Variants in RB1CC1 observed in about 807,000 individuals in gnomAD.
RB1CC1 encodes RB1 inducible coiled-coil 1.
In RB1CC1, 46 loss-of-function variants were observed where a neutral mutation model predicts 177.5. The observed-to-expected ratio is 0.26, with a 90% CI of 0.20 to 0.33. RB1CC1 has a LOEUF of 0.33. Among genes scored for constraint, RB1CC1 ranks in the 10% least tolerant of loss-of-function variants. The pLI is 1.00. For synonymous variants in RB1CC1, 666 were observed against 613.6 expected, an observed-to-expected ratio of 1.09 and a Z score of -1.26; for missense variants, 1,703 against 1,816.3, an observed-to-expected ratio of 0.94 and a Z score of 1.13.
chr8:52,680,930 A>G (rs1485955429), intron 5 of RB1CC1, among the ~76,000 whole-genome samples: 1 of 151,010 alleles, frequency 6.6e-6, no homozygotes, highest in Non-Finnish European at 1.5e-5. Flanking sequence ...AGTCCTAAGT[A>G]GGGCTTCTGG....
intron 20 of RB1CC1, among the ~76,000 whole-genome samples, chr8:52,634,096 A>G (rs947705466): frequency 1.7e-4 from 26 of 152,276 alleles, no homozygotes; most frequent in East Asian, 7.7e-4. Flanking sequence ...CAGCCTGGGC[A>G]ACAGAGAGAG....
chr8:52,642,816 G>A lies in RB1CC1; in HGVS notation c.3988-4C>T, dbSNP rs773359119. On this transcript the variant is annotated splice_polypyrimidine_tract_variant and splice_region_variant and intron_variant, in intron 16 of 23. Transcript: ENST00000025008. The stretch of plus-strand genomic sequence containing the variant: ...TTAAAACAGTGTTAAAATTGGTCTG[G>A]AACAAGAGAATAATTATTTAAATTT... The A allele has an allele frequency of 2.0e-6, 3 of 1,530,450 alleles. No individual in the cohort carries two copies. Among genetic ancestry groups the A allele is most frequent in the Non-Finnish European group, 8.7e-7 (1 of 1,148,258 alleles). The allele number at this position is 1,530,450 out of a possible 1,614,324, so 94.8% of individuals were successfully genotyped here.
chr8:52,653,553 C>T (rs965942277), intron 15 of RB1CC1, among the ~76,000 whole-genome samples: 1 of 152,106 alleles, frequency 6.6e-6, no homozygotes, highest in Non-Finnish European at 1.5e-5. Context: ...TTCTAACCTT[C>T]ACCCAAACAC....
intron 6 of RB1CC1, 79 bp downstream of exon 6, chr8:52,676,290 A>G: frequency 7.5e-7 from 1 of 1,339,316 alleles, no homozygotes. Flanking sequence ...TATAAGAAAC[A>G]AATTTGCAGT....
chr8:52,646,618 A>C (rs1850065459), intron 15 of RB1CC1, among the ~76,000 whole-genome samples: 1 of 152,224 alleles, frequency 6.6e-6, no homozygotes, highest in African/African-American at 2.4e-5. Context: ...CACAAAGCTA[A>C]AACTGAAAAG....
Position 52,623,043 on chromosome 8 carries a change from A to G in RB1CC1, c.*739T>C, listed in dbSNP as rs1228277609. ...ACGATTTCATCAATATGATTATTCT[A>G]GAGTCATAAAGATGTTGGGAAGGTT... is the stretch of plus-strand genomic sequence containing the variant. On this transcript the variant is annotated 3_prime_UTR_variant, in exon 24 of 24. Transcript: ENST00000025008. The G allele has an allele frequency of 1.3e-5, 2 of 152,246 alleles. No homozygotes were observed. Among genetic ancestry groups the G allele is most frequent in the African/African-American group, 4.8e-5 (2 of 41,422 alleles). 9.4% of individuals were successfully genotyped at this position (152,246 alleles called of 1,614,324 possible).
At chr8:52,704,455 TAAAA>T (rs370418132) in intron 1 of RB1CC1, among the ~76,000 whole-genome samples, 5 of 68,460 alleles carry the variant, frequency 7.3e-5, no homozygotes, top group African/African-American at 2.3e-4. Flanking sequence ...AAGGTGACAT[TAAAA>T]AAAAAAAAAA....
In RB1CC1 at chr8:52,697,236, T is replaced by G. The variant is rs188612874; in HGVS notation, c.-166-10269A>C. Among the ~76,000 whole-genome samples, 6 of 150,840 alleles carry G rather than the reference T, an allele frequency of 4.0e-5. No homozygotes were observed. The East Asian group carries it at 1.2e-3, about 29-fold the overall frequency. On this transcript the variant is annotated intron_variant, in intron 1 of 23. Coordinates refer to ENST00000025008, the MANE Select transcript of RB1CC1 (RefSeq NM_014781.5). ...AAAGACAAACATTATGATGAATCAG[T>G]TAAATTCAGAATAAGCATTCCACAG...
At position 52,668,104 on chromosome 8, in the gene RB1CC1, C is replaced by T; in HGVS notation, c.1090G>A (p.Gly364Arg). 1 of 1,614,140 alleles carries T rather than the reference C, an allele frequency of 6.2e-7. No individual in the cohort carries two copies. Among genetic ancestry groups the T allele is most frequent in the Non-Finnish European group, 8.5e-7 (1 of 1,180,008 alleles). ...AGGGCGTAGAGCCGATCTTCAAGTCCTTTAATGGCTTTCATATTCTGATTA... is the reference window on the plus strand; with the variant it reads ...AGGGCGTAGAGCCGATCTTCAAGTCTTTTAATGGCTTTCATATTCTGATTA... ...LDNQNMKAIK[G>R]LEDRLYALDQ... The change falls in exon 8 of 24, where the codon GGA becomes AGA. Residue 364 changes from glycine (G) to arginine (R), a missense_variant. Around this residue, in one of 6 missense-constraint regions of RB1CC1, gnomAD observed 315 missense variants for 304.9 expected, o/e 1.03. Coordinates refer to ENST00000025008, the MANE Select transcript of RB1CC1 (RefSeq NM_014781.5).
intron 5 of RB1CC1, among the ~76,000 whole-genome samples, chr8:52,682,425 G>C (rs1563434655): frequency 6.6e-6 from 1 of 152,102 alleles, no homozygotes; most frequent in East Asian, 1.9e-4. Flanking sequence ...AGAATGCTTG[G>C]TATCTGAATC....
chr8:52,642,987 T>G, intron 16 of RB1CC1, 175 bp from the exon 17 acceptor site: 1 of 686,560 alleles, frequency 1.5e-6, no homozygotes, highest in Non-Finnish European at 2.1e-6. Context: ...AAGGTTCTAC[T>G]TTCTTGGTTC....
intron 20 of RB1CC1, among the ~76,000 whole-genome samples, chr8:52,631,745 C>A (rs936964013): frequency 2.0e-5 from 3 of 152,174 alleles, no homozygotes; most frequent in Non-Finnish European, 4.4e-5. Context: ...CGTGCTCAGT[C>A]CTCTCTTGCT....
intron 16 of RB1CC1, 97 bp from the exon 17 acceptor site, chr8:52,642,909 T>A: frequency 7.9e-7 from 1 of 1,268,372 alleles, no homozygotes; most frequent in Non-Finnish European, 1.0e-6. Context: ...GTGGCACATT[T>A]GTACATGGAG....
chr8:52,642,948 T>G (rs1849706228), intron 16 of RB1CC1, 136 bp from the exon 17 acceptor site: 2 of 1,034,750 alleles, frequency 1.9e-6, no homozygotes, highest in East Asian at 6.1e-5. Flanking sequence ...TGAAATGTTT[T>G]AAAAATGAAA....
At chr8:52,631,842 T>C (rs1848783539) in intron 20 of RB1CC1, among the ~76,000 whole-genome samples, 1 of 152,174 alleles carries the variant, frequency 6.6e-6, no homozygotes. Context: ...AAATTCTTCT[T>C]ACCAAACCAG....
At chr8:52,677,673 TCTAG>T (rs1210573200) in intron 5 of RB1CC1, among the ~76,000 whole-genome samples, 3 of 152,184 alleles carry the variant, frequency 2.0e-5, no homozygotes, top group Non-Finnish European at 4.4e-5. Context: ...CTGTAAGTTA[TCTAG>T]TTACCAAAGT....
intron 7 of RB1CC1, 106 bp downstream of exon 7, chr8:52,673,738 TA>T: frequency 9.3e-7 from 1 of 1,070,774 alleles, no homozygotes; most frequent in South Asian, 2.0e-5. Flanking sequence ...AAGACTCATT[TA>T]TTTCTACTAA....
intron 7 of RB1CC1, among the ~76,000 whole-genome samples, chr8:52,670,062 C>T (rs1852425282): frequency 1.3e-5 from 2 of 152,324 alleles, no homozygotes; most frequent in South Asian, 4.1e-4. Context: ...GCCTCAGCAT[C>T]CCTAACTGCT....
In RB1CC1 at chr8:52,642,310, T is replaced by C. The variant is rs778089287; in HGVS notation, c.4337+41A>G. ...CTTCAGAGCTTTATAACTCATGGAATTGCAACAGCCTTAAAAACAGTTGAA... is the reference window on the plus strand; with the variant it reads ...CTTCAGAGCTTTATAACTCATGGAACTGCAACAGCCTTAAAAACAGTTGAA... On this transcript the variant is annotated intron_variant, in intron 18 of 23. Coordinates refer to ENST00000025008, the MANE Select transcript of RB1CC1 (RefSeq NM_014781.5). 10 of 1,581,230 alleles carry C rather than the reference T, an allele frequency of 6.3e-6. 1 individual carries two copies. The East Asian group carries it at 2.0e-4, about 32-fold the overall frequency.
Sources: allele counts gnomAD v4.1 joint callset (sites outside exome capture counted in the v4.1 genomes callset), GRCh38; gene constraint gnomAD v4.1.1; regional missense constraint gnomAD v4.1.1; transcripts MANE v1.5; gene names NCBI Gene and HGNC (gene_info 2026-07-23, HGNC 2026-07-21).